DNAJC24: variants seen among roughly 807,000 people sequenced by gnomAD.
The protein encoded by DNAJC24 is dnaJ homolog subfamily C member 24.
A neutral mutation model predicts 18.0 loss-of-function variants in DNAJC24; 17 were observed. That is an observed-to-expected ratio of 0.94 (90% CI 0.65 to 1.42). DNAJC24 has a LOEUF of 1.42. DNAJC24 is among the 40% of genes most tolerant of loss of function. DNAJC24 has a pLI of 0.00. For missense variants in DNAJC24, 158 were observed against 175.6 expected (o/e 0.90, Z 0.57); for synonymous variants, 55 against 57.7 (o/e 0.95, Z 0.21).
intron 2 of DNAJC24, among the ~76,000 whole-genome samples, chr11:31,404,385 T>C (rs949379507): frequency 6.6e-6 from 1 of 152,214 alleles, no homozygotes; most frequent in African/African-American, 2.4e-5. Context: ...TAAGCTGTTA[T>C]GACCTTTTGC....
chr11:31,384,314 G>A (rs1952406946), intron 2 of DNAJC24, among the ~76,000 whole-genome samples: 1 of 152,122 alleles, frequency 6.6e-6, no homozygotes, highest in Non-Finnish European at 1.5e-5. Context: ...TTATTCCACT[G>A]TCCATATCCT....
intron 2 of DNAJC24, among the ~76,000 whole-genome samples, chr11:31,397,455 T>A (rs1024204236): frequency 2.6e-5 from 4 of 151,166 alleles, no homozygotes; most frequent in Admixed American, 1.3e-4. Flanking sequence ...AGTAGTGTGT[T>A]GTACTTGACT....
chr11:31,376,073 C>CTTT (rs1362737961), intron 2 of DNAJC24, among the ~76,000 whole-genome samples: 14,927 of 109,816 alleles, frequency 0.14, 2,387 homozygotes, highest in Non-Finnish European at 0.22. Context: ...GGGGGTTCCC[C>CTTT]CATATTGTTC....
Position 31,383,802 on chromosome 11 carries a change from A to G in DNAJC24, c.111+12943A>G, listed in dbSNP as rs572169271. Among the ~76,000 whole-genome samples, 86 of 152,370 alleles carry G rather than the reference A, an allele frequency of 5.6e-4. 1 individual carries two copies. The highest frequency in any genetic ancestry group is 1.9e-3 in the African/African-American group (79 of 41,576). On this transcript the variant is annotated intron_variant, in intron 2 of 4. Transcript: ENST00000465995. ...CTGATGCAGCCTTTCGTCCTAATGT[A>G]ACAGAATGTATCTCCTCTGCACAGC...
rs764559768 is a variant in DNAJC24 at position 31,426,388 on chromosome 11, A to T, written c.319+33A>T. ...TTTTTTTTTCTCTTGACAACATTTA[A>T]AAAAAAAAGGAATTTTCTATAAGAA... On this transcript the variant is annotated intron_variant, in intron 4 of 4. Transcript: ENST00000465995. 31 of 1,127,404 alleles carry T rather than the reference A, an allele frequency of 2.7e-5. No individual in the cohort carries two copies. The African/African-American group carries it at 5.6e-4, about 20-fold the overall frequency. 69.8% of individuals were successfully genotyped at this position (1,127,404 alleles called of 1,614,324 possible). A position where few individuals can be genotyped will look rare whatever the true frequency, so the allele number is the denominator to read the frequency against.
chr11:31,381,271 A>G (rs1409203921), intron 2 of DNAJC24, among the ~76,000 whole-genome samples: 2 of 152,054 alleles, frequency 1.3e-5, no homozygotes, highest in East Asian at 3.9e-4. Flanking sequence ...CTTATTTTCA[A>G]ATTCACTCTT....
In DNAJC24 at chr11:31,431,648, CTAAAAA is replaced by C. The variant is rs1461672989; in HGVS notation, c.*1251_*1256del. 1.3e-5 allele frequency: 2 copies of C among 151,036 alleles called. No individual in the cohort carries two copies. Among genetic ancestry groups the C allele is most frequent in the Non-Finnish European group, 3.0e-5 (2 of 67,778 alleles). The allele number at this position is 151,036 out of a possible 1,614,324, so 9.4% of individuals were successfully genotyped here. A position where few individuals can be genotyped will look rare whatever the true frequency, so the allele number is the denominator to read the frequency against. Reference sequence around the variant, plus strand: ...CCAACATGGTGAAACCCCATATCTACTAAAAATAATTTTTTTAAAAATTAGCCAGTC... The same window carrying C: ...CCAACATGGTGAAACCCCATATCTACTAATTTTTTTAAAAATTAGCCAGTC... On this transcript the variant is annotated 3_prime_UTR_variant, in exon 5 of 5. Coordinates refer to ENST00000465995, the MANE Select transcript of DNAJC24 (RefSeq NM_181706.5).
intron 2 of DNAJC24, among the ~76,000 whole-genome samples, chr11:31,412,364 C>T (rs1591917069): frequency 6.6e-6 from 1 of 152,240 alleles, no homozygotes; most frequent in Non-Finnish European, 1.5e-5. Flanking sequence ...GGCCTTAATG[C>T]TTGTGACATA....
intron 2 of DNAJC24, among the ~76,000 whole-genome samples, chr11:31,373,004 A>T (rs1227712843): frequency 1.5e-5 from 2 of 134,304 alleles, no homozygotes; most frequent in Non-Finnish European, 3.4e-5. Context: ...ATGACTAATG[A>T]TGTTGAGCCC....
At chr11:31,394,065 A>T (rs1249150263) in intron 2 of DNAJC24, among the ~76,000 whole-genome samples, 1 of 152,210 alleles carries the variant, frequency 6.6e-6, no homozygotes, top group Non-Finnish European at 1.5e-5. Context: ...GGCCAACAGC[A>T]CTGTAACTCA....
intron 2 of DNAJC24, among the ~76,000 whole-genome samples, chr11:31,385,401 T>C (rs1952418314): frequency 6.6e-6 from 1 of 152,208 alleles, no homozygotes; most frequent in Non-Finnish European, 1.5e-5. Flanking sequence ...ATCTTATGCA[T>C]GTACTACTGT....
intron 3 of DNAJC24, among the ~76,000 whole-genome samples, chr11:31,424,661 T>G (rs1340509268): frequency 6.6e-6 from 1 of 152,224 alleles, no homozygotes; most frequent in African/African-American, 2.4e-5. Context: ...GGCAAAATCC[T>G]TATCTTTGGA....
chr11:31,426,612 G>GT (rs1952864624), intron 4 of DNAJC24: 2 of 314,706 alleles, frequency 6.4e-6, no homozygotes, highest in African/African-American at 2.2e-5. Flanking sequence ...TTTCATAAGA[G>GT]TTTTTTTGTT....
intron 3 of DNAJC24, among the ~76,000 whole-genome samples, chr11:31,420,316 A>G (rs947271487): frequency 6.6e-6 from 1 of 151,774 alleles, no homozygotes; most frequent in African/African-American, 2.4e-5. Flanking sequence ...CCTACTCCCA[A>G]CTTCCCACCA....
chr11:31,428,863 T>C (rs1952891164), intron 4 of DNAJC24, among the ~76,000 whole-genome samples: 1 of 152,138 alleles, frequency 6.6e-6, no homozygotes, highest in African/African-American at 2.4e-5. Context: ...TAGTGAGCAT[T>C]AACATTTGGA....
At chr11:31,425,762 A>G (rs1258519113) in intron 3 of DNAJC24, among the ~76,000 whole-genome samples, 1 of 152,134 alleles carries the variant, frequency 6.6e-6, no homozygotes, top group Non-Finnish European at 1.5e-5. Flanking sequence ...TTTGAGGGGG[A>G]CACAATTCGG....
intron 2 of DNAJC24, chr11:31,374,301 G>T: frequency 6.8e-6 from 1 of 147,936 alleles, no homozygotes; most frequent in Non-Finnish European, 1.5e-5. Context: ...TTTATGGTAA[G>T]TAGGTATTTA....
At chr11:31,394,585 C>T (rs1473665381) in intron 2 of DNAJC24, among the ~76,000 whole-genome samples, 2 of 151,100 alleles carry the variant, frequency 1.3e-5, no homozygotes, top group African/African-American at 4.9e-5. Context: ...CCATTGCACT[C>T]TGAAGTTAAA....
intron 2 of DNAJC24, among the ~76,000 whole-genome samples, chr11:31,399,714 TTTTTTTTTTTTTTAACTGTTTTTTC>T (rs1321628027): frequency 7.8e-5 from 4 of 51,566 alleles, no homozygotes; most frequent in African/African-American, 3.5e-4. Flanking sequence ...GCCCAGCCTC[TTTTTTTTTTTTTTAACTGTTTTTTC>T]TTTTTTTTTT....
Sources: gnomAD v4.1 joint callset for allele counts (sites outside exome capture counted in the v4.1 genomes callset) on GRCh38, gnomAD v4.1.1 for gene constraint, MANE v1.5 for transcripts, NCBI Gene and HGNC (gene_info 2026-07-23, HGNC 2026-07-21) for gene names.